The following WDR33 variants were observed in gnomAD, a reference collection of about 807,000 sequenced individuals.
WDR33 encodes WD repeat domain 33.
WDR33 carries 47 observed loss-of-function variants against 164.9 expected under a neutral mutation model. The ratio of observed to expected loss-of-function variants is 0.29; its 90% CI spans 0.23 to 0.36. WDR33 has a LOEUF of 0.36. Ranked by LOEUF, WDR33 falls within the 10% of genes least tolerant of loss-of-function variation. The pLI is 1.00. For missense variants in WDR33, 1,137 were observed against 1,754.1 expected (o/e 0.65, Z 6.28); for synonymous variants, 505 against 589.0 (o/e 0.86, Z 2.06).
chr2:127,736,752 G>C (rs778110000), intron 7 of WDR33: 7 of 985,218 alleles, frequency 7.1e-6, no homozygotes, highest in Non-Finnish European at 8.4e-6. Flanking sequence ...TGACTATATG[G>C]TAAAATATCT....
chr2:127,773,262 G>C (rs1688069405), intron 1 of WDR33, among the ~76,000 whole-genome samples: 1 of 152,158 alleles, frequency 6.6e-6, no homozygotes, highest in Non-Finnish European at 1.5e-5. Context: ...TTATTTGTCT[G>C]TATTCTTAAA....
At position 127,737,715 on chromosome 2, in the gene WDR33, A is replaced by G. The variant is rs142655470; in HGVS notation, c.725-10938T>C. 973 of 1,138,558 alleles carry G rather than the reference A, an allele frequency of 8.5e-4. 1 individual carries two copies. The highest frequency in any genetic ancestry group is 1.0e-3 in the Non-Finnish European group (959 of 928,796). 70.5% of individuals were successfully genotyped at this position (1,138,558 alleles called of 1,614,324 possible). On this transcript the variant is annotated intron_variant, in intron 7 of 21. Transcript: ENST00000322313. ...CAAGAAGGAAAACAAAAGATGTTTCAAATGATTCTTCTGGAGCACTTCCAT... is the reference window on the plus strand; with the variant it reads ...CAAGAAGGAAAACAAAAGATGTTTCGAATGATTCTTCTGGAGCACTTCCAT...
intron 1 of WDR33, among the ~76,000 whole-genome samples, chr2:127,794,303 C>T (rs531506037): frequency 6.6e-6 from 1 of 151,346 alleles, no homozygotes; most frequent in East Asian, 1.9e-4. Context: ...AGTTCTAGAC[C>T]AGCTTGGCCA....
intron 1 of WDR33, among the ~76,000 whole-genome samples, chr2:127,773,058 C>T (rs147404497): frequency 1.4e-3 from 212 of 152,140 alleles, no homozygotes; most frequent in African/African-American, 4.7e-3. Context: ...ATCACTTGAG[C>T]CTGGGAAGTC....
chr2:127,711,765 TATATATATATA>T (rs1686173739), intron 18 of WDR33, among the ~76,000 whole-genome samples: 3 of 88,940 alleles, frequency 3.4e-5, no homozygotes, highest in African/African-American at 2.2e-4. Flanking sequence ...TATATATATA[TATATATATATA>T]TATATTTTTT....
chr2:127,807,713 T>G (rs1241655519), intron 1 of WDR33, among the ~76,000 whole-genome samples: 1 of 152,098 alleles, frequency 6.6e-6, no homozygotes, highest in Non-Finnish European at 1.5e-5. Flanking sequence ...ATAAACCAAG[T>G]CATGAGGGGA....
intron 7 of WDR33, chr2:127,737,449 C>T (rs1686879128): frequency 1.0e-6 from 1 of 985,362 alleles, no homozygotes; most frequent in South Asian, 4.7e-5. Context: ...AATTCAGTAA[C>T]AATATATACA....
chr2:127,778,746 C>G (rs1016912717), intron 1 of WDR33, among the ~76,000 whole-genome samples: 3 of 152,116 alleles, frequency 2.0e-5, no homozygotes, highest in Non-Finnish European at 2.9e-5. Flanking sequence ...AGGGGAGAGA[C>G]ACTTGAGAAA....
At chr2:127,799,714 C>G (rs940724399) in intron 1 of WDR33, among the ~76,000 whole-genome samples, 1 of 152,062 alleles carries the variant, frequency 6.6e-6, no homozygotes, top group African/African-American at 2.4e-5. Context: ...AGAATCGCAT[C>G]AATAGAAAAA....
intron 7 of WDR33, among the ~76,000 whole-genome samples, chr2:127,732,108 AACACACACACACACACACACACAC>A (rs71394692): frequency 0.016 from 2,172 of 138,206 alleles, 72 homozygotes; most frequent in African/African-American, 0.056. Context: ...CAACATATAC[AACACACACACACACACACACACAC>A]ACACACACAC....
chr2:127,740,056 A>T (rs1452501640), intron 7 of WDR33, among the ~76,000 whole-genome samples: 1 of 152,176 alleles, frequency 6.6e-6, no homozygotes, highest in African/African-American at 2.4e-5. Flanking sequence ...AGAAAGACAG[A>T]TACTACTAAG....
intron 7 of WDR33, among the ~76,000 whole-genome samples, chr2:127,731,748 T>C (rs1686712884): frequency 6.6e-6 from 1 of 152,210 alleles, no homozygotes; most frequent in Non-Finnish European, 1.5e-5. Context: ...TGTCAAATTT[T>C]ATAGGACTGT....
chr2:127,748,661 T>C (rs183488709), intron 7 of WDR33, among the ~76,000 whole-genome samples: 1 of 152,302 alleles, frequency 6.6e-6, no homozygotes, highest in Admixed American at 6.5e-5. Context: ...ATCTGGGTTA[T>C]GTCTAGATTT....
At chr2:127,804,804 T>C (rs1689373555) in intron 1 of WDR33, among the ~76,000 whole-genome samples, 1 of 152,270 alleles carries the variant, frequency 6.6e-6, no homozygotes, top group South Asian at 2.1e-4. Context: ...CAGCTAATAA[T>C]CATCAATCAT....
At chr2:127,715,088 CTT>C (rs386391178) in intron 17 of WDR33, among the ~76,000 whole-genome samples, 12,439 of 107,776 alleles carry the variant, frequency 0.12, 239 homozygotes, top group South Asian at 0.21. Flanking sequence ...TTCTTTGTTT[CTT>C]TTTTTTTTTT....
intron 1 of WDR33, among the ~76,000 whole-genome samples, chr2:127,781,020 C>T (rs1302538036): frequency 2.6e-5 from 4 of 151,936 alleles, no homozygotes; most frequent in African/African-American, 9.7e-5. Flanking sequence ...CCCACCACAC[C>T]CGGCTAATTT....
At chr2:127,768,071 C>A in intron 4 of WDR33, 118 bp downstream of exon 4, 1 of 604,632 alleles carries the variant, frequency 1.7e-6, no homozygotes, top group South Asian at 4.7e-5. Context: ...TAGCAATAAA[C>A]CAATTATAAG....
intron 7 of WDR33, among the ~76,000 whole-genome samples, chr2:127,740,802 A>C (rs976104514): frequency 2.0e-5 from 3 of 152,226 alleles, no homozygotes; most frequent in African/African-American, 7.2e-5. Context: ...ATACTAAGTA[A>C]AAACAAATAT....
At chr2:127,737,090 CA>C (rs1686866522) in intron 7 of WDR33, 27 of 985,338 alleles carry the variant, frequency 2.7e-5, no homozygotes, top group Non-Finnish European at 3.3e-5. Context: ...TTGTGCTAAC[CA>C]GCAAATTCTC....
Sources: gnomAD v4.1 joint callset for allele counts (sites outside exome capture counted in the v4.1 genomes callset) on GRCh38, gnomAD v4.1.1 for gene constraint, MANE v1.5 for transcripts, NCBI Gene and HGNC (gene_info 2026-07-23, HGNC 2026-07-21) for gene names.